The following AKAP14 variants were observed in gnomAD, a reference collection of about 807,000 sequenced individuals.
AKAP14 encodes A-kinase anchor protein 14.
In AKAP14, 4 loss-of-function variants were observed where a neutral mutation model predicts 17.0. The observed-to-expected ratio is 0.23, with a 90% CI of 0.12 to 0.54. AKAP14 has a LOEUF of 0.54. Among genes scored for constraint, AKAP14 ranks in the 20% least tolerant of loss-of-function variants. AKAP14 has a pLI of 0.95. For synonymous variants in AKAP14, 42 were observed against 51.3 expected, an observed-to-expected ratio of 0.82 and a Z score of 0.77; for missense variants, 129 against 150.9, an observed-to-expected ratio of 0.85 and a Z score of 0.76.
At chrX:119,919,843 C>T (rs2056678904) in intron 5 of AKAP14, 68 bp from the exon 6 acceptor site, 2 of 1,111,171 alleles carry the variant, frequency 1.8e-6, no homozygotes, top group Non-Finnish European at 2.5e-6. Context: ...AAGAAGACTC[C>T]ATCTTGAAAA....
chrX:119,913,644 C>T (rs972196039), intron 4 of AKAP14, among the ~76,000 whole-genome samples: 3 of 111,533 alleles, frequency 2.7e-5, no homozygotes, highest in Admixed American at 9.6e-5. Context: ...GGCGTGGTGG[C>T]GCATGCCTGT....
At chrX:119,900,602 G>A (rs894733698) in intron 2 of AKAP14, among the ~76,000 whole-genome samples, 6 of 111,611 alleles carry the variant, frequency 5.4e-5, no homozygotes, top group Non-Finnish European at 1.1e-4. Context: ...GTGAGATCAC[G>A]GCTCCCTGCA....
intron 4 of AKAP14, among the ~76,000 whole-genome samples, chrX:119,904,892 A>AT (rs1370536604): frequency 4.7e-5 from 5 of 107,478 alleles, no homozygotes; most frequent in African/African-American, 1.7e-4. Context: ...CTCAAAAAAT[A>AT]ATAATAATAA....
intron 4 of AKAP14, among the ~76,000 whole-genome samples, chrX:119,905,442 C>G (rs113088558): frequency 1.2e-3 from 131 of 112,862 alleles, no homozygotes; most frequent in African/African-American, 3.8e-3. Flanking sequence ...CTGAATCAAA[C>G]TAGAATGGAA....
At chrX:119,897,639 G>A (rs2056538850) in intron 2 of AKAP14, among the ~76,000 whole-genome samples, 1 of 112,250 alleles carries the variant, frequency 8.9e-6, no homozygotes, top group African/African-American at 3.2e-5. Flanking sequence ...GTTCTCTAGT[G>A]TTAAGGACCT....
chrX:119,897,385 T>C (rs1321912927), intron 2 of AKAP14, among the ~76,000 whole-genome samples: 1 of 107,711 alleles, frequency 9.3e-6, no homozygotes, highest in African/African-American at 3.4e-5. Flanking sequence ...GGTCTCGATC[T>C]CCTGACCTCG....
intron 4 of AKAP14, 182 bp downstream of exon 4, chrX:119,903,768 T>C (rs1481799349): frequency 1.2e-6 from 1 of 809,245 alleles, no homozygotes; most frequent in African/African-American, 2.1e-5. Context: ...TCTTTGAAGG[T>C]GAAATGCACA....
chrX:119,897,485 A>G (rs1039170542), intron 2 of AKAP14, among the ~76,000 whole-genome samples: 35 of 112,333 alleles, frequency 3.1e-4, no homozygotes, highest in African/African-American at 1.1e-3. Context: ...TAAAGGATCA[A>G]GTTGATATAT....
intron 4 of AKAP14, 70 bp from the exon 5 acceptor site, chrX:119,914,629 C>T: frequency 9.5e-7 from 1 of 1,048,016 alleles, no homozygotes; most frequent in Non-Finnish European, 1.3e-6. Flanking sequence ...AGCCATGCTG[C>T]ATTTATCTAC....
chrX:119,918,367 G>A (rs1181581214), intron 5 of AKAP14, among the ~76,000 whole-genome samples: 5 of 111,787 alleles, frequency 4.5e-5, no homozygotes, highest in African/African-American at 1.6e-4. Flanking sequence ...GGGTAGCTGG[G>A]ATTACAGGCA....
chrX:119,916,745 C>T (rs2056661147), intron 5 of AKAP14, among the ~76,000 whole-genome samples: 1 of 98,443 alleles, frequency 1.0e-5, no homozygotes, highest in Non-Finnish European at 2.1e-5. Context: ...AAGTGATCCA[C>T]CCGGCTTAGC....
chrX:119,901,959 C>T (rs1288317767), intron 2 of AKAP14, among the ~76,000 whole-genome samples: 1 of 109,974 alleles, frequency 9.1e-6, no homozygotes. Flanking sequence ...GCGGAGGTTG[C>T]GGTGAGCCGA....
intron 2 of AKAP14, 97 bp from the exon 3 acceptor site, chrX:119,903,117 G>T (rs910283646): frequency 2.3e-6 from 2 of 888,522 alleles, no homozygotes; most frequent in Non-Finnish European, 1.5e-6. Flanking sequence ...ACTGCTTCCT[G>T]TCTCTTGTGA....
At chrX:119,913,659 C>G (rs1174725038) in intron 4 of AKAP14, among the ~76,000 whole-genome samples, 11 of 111,611 alleles carry the variant, frequency 9.9e-5, no homozygotes, top group Non-Finnish European at 1.9e-4. Context: ...GCCTGTAATC[C>G]CAGCTACTCG....
intron 2 of AKAP14, among the ~76,000 whole-genome samples, chrX:119,897,872 C>A (rs769570512): frequency 8.9e-6 from 1 of 111,952 alleles, no homozygotes; most frequent in East Asian, 2.8e-4. Context: ...GTGGCTCATG[C>A]CTGTAATCCC....
At chrX:119,911,887 T>G (rs778203293) in intron 4 of AKAP14, among the ~76,000 whole-genome samples, 9 of 106,567 alleles carry the variant, frequency 8.4e-5, no homozygotes, top group African/African-American at 2.7e-4. Context: ...AGTGAAACAT[T>G]TTCATTTTGT....
intron 5 of AKAP14, among the ~76,000 whole-genome samples, chrX:119,917,586 C>G (rs771539251): frequency 2.8e-5 from 3 of 106,984 alleles, no homozygotes; most frequent in Non-Finnish European, 3.9e-5. Context: ...GCCTGGGTAC[C>G]AAGAGCGAAA....
chrX:119,907,723 T>G (rs1428249242), intron 4 of AKAP14, among the ~76,000 whole-genome samples: 1 of 111,261 alleles, frequency 9.0e-6, no homozygotes, highest in East Asian at 2.8e-4. Context: ...CCTCCTAAAG[T>G]GCTGGGATTA....
intron 5 of AKAP14, among the ~76,000 whole-genome samples, chrX:119,916,571 A>G (rs1322161612): frequency 9.4e-6 from 1 of 106,297 alleles, no homozygotes; most frequent in African/African-American, 3.4e-5. Context: ...GGCTCACTGC[A>G]GCCTCTACTT....
Sources: allele counts gnomAD v4.1 joint callset (sites outside exome capture counted in the v4.1 genomes callset), GRCh38; gene constraint gnomAD v4.1.1; transcripts MANE v1.5; gene names NCBI Gene and HGNC (gene_info 2026-07-23, HGNC 2026-07-21).